The following PIN1 variants were observed in gnomAD, a reference collection of about 807,000 sequenced individuals.
PIN1 encodes peptidyl-prolyl cis-trans isomerase NIMA-interacting 1.
Under a neutral mutation model 19.9 loss-of-function variants are expected in PIN1, and 8 were observed. That is an observed-to-expected ratio of 0.40 (90% confidence interval 0.24 to 0.72). The LOEUF (loss-of-function observed/expected upper bound fraction) is 0.72. Ranked by LOEUF, PIN1 falls within the 30% of genes least tolerant of loss-of-function variation. The pLI is 0.37. For synonymous variants in PIN1, 86 were observed against 90.8 expected (o/e 0.95, Z 0.30); for missense variants, 185 against 226.5 (o/e 0.82, Z 1.18).
chr19:9,838,449 C>T lies in PIN1; in HGVS notation c.72C>T (p.Tyr24=). The part of the protein sequence containing the change: ...RMSRSSGRVY[Y]FNHITNASQW... ...CCTCCCCTCCAGGCCGAGTGTACTA[C>T]TTCAACCACATCACTAACGCCAGCC... is the stretch of plus-strand genomic sequence containing the variant. The change falls in exon 2 of 4, where the codon TAC becomes TAT. Residue 24 remains tyrosine (Y), a synonymous_variant. Transcript: ENST00000247970. The surrounding 1 kb of genome is among the most constrained non-coding windows in gnomAD (Gnocchi z 5.8). 6.2e-7 allele frequency: 1 copy of T among 1,605,908 alleles called. No homozygotes were observed. Among genetic ancestry groups the T allele is most frequent in the Non-Finnish European group, 8.5e-7 (1 of 1,177,632 alleles).
chr19:9,849,341 G>A lies in PIN1; in HGVS notation c.*142G>A. On this transcript the variant is annotated 3_prime_UTR_variant, in exon 4 of 4. Coordinates refer to ENST00000247970, the MANE Select transcript of PIN1 (RefSeq NM_006221.4). ...TTATTGTTCCCACAATGGCTGGGAG[G>A]GGGCCCTTCCAGATTGGGGGCCCTG... The A allele has an allele frequency of 1.4e-6, 1 of 730,364 alleles. No homozygotes were observed. Among genetic ancestry groups the A allele is most frequent in the Non-Finnish European group, 2.4e-6 (1 of 409,270 alleles). The allele number at this position is 730,364 out of a possible 1,614,324, so 45.2% of individuals were successfully genotyped here. A position where few individuals can be genotyped will look rare whatever the true frequency, so the allele number is the denominator to read the frequency against.
chr19:9,838,649 G>A lies in PIN1; in HGVS notation c.271+1G>A. ...GAGGAGGCCCTGGAGCTGATCAACG[G>A]TGAGCAGGGCGAGGGCAGGGGCTTG... is the stretch of plus-strand genomic sequence containing the variant. On this transcript the variant is annotated splice_donor_variant, in intron 2 of 3. Transcript: ENST00000247970. LOFTEE classifies it high-confidence loss of function. The surrounding 1 kb of genome is among the most constrained non-coding windows in gnomAD (Gnocchi z 5.8). 6.5e-7 allele frequency: 1 copy of A among 1,540,112 alleles called. No individual in the cohort carries two copies. Among genetic ancestry groups the A allele is most frequent in the Non-Finnish European group, 8.7e-7 (1 of 1,145,158 alleles).
At chr19:9,842,004 G>T (rs1206972988) in intron 2 of PIN1, among the ~76,000 whole-genome samples, 7 of 152,170 alleles carry the variant, frequency 4.6e-5, no homozygotes, top group Non-Finnish European at 1.5e-5. Context: ...GGGCGAGGGT[G>T]TCTCGCCCAT....
At chr19:9,844,772 G>A (rs1295700638) in intron 2 of PIN1, among the ~76,000 whole-genome samples, 1 of 152,250 alleles carries the variant, frequency 6.6e-6, no homozygotes, top group Non-Finnish European at 1.5e-5. Context: ...GTTTCAGGCA[G>A]ATAGGGCATG....
chr19:9,844,290 C>T (rs909374681), intron 2 of PIN1, among the ~76,000 whole-genome samples: 2 of 152,346 alleles, frequency 1.3e-5, no homozygotes, highest in East Asian at 1.9e-4. Context: ...CTCCTTGGAA[C>T]AGGCTCCAAC....
At chr19:9,847,007 C>T (rs539197319) in intron 2 of PIN1, among the ~76,000 whole-genome samples, 24 of 152,236 alleles carry the variant, frequency 1.6e-4, no homozygotes, top group East Asian at 1.6e-3. Context: ...CTGGAAGGGA[C>T]GCCCGTTTGT....
At chr19:9,840,611 C>T (rs10416616) in intron 2 of PIN1, among the ~76,000 whole-genome samples, 18,930 of 152,006 alleles carry the variant, frequency 0.12, 1,266 homozygotes, top group Middle Eastern at 0.18. Flanking sequence ...TTTTCTCCTT[C>T]TTCTTTTGAG....
rs544308655 is a variant in PIN1 at position 9,846,869 on chromosome 19, G to A, written c.272-1161G>A. On this transcript the variant is annotated intron_variant, in intron 2 of 3. Coordinates refer to ENST00000247970, the MANE Select transcript of PIN1 (RefSeq NM_006221.4). This position sits in a 1 kb window ranked among gnomAD's most constrained non-coding sequence, Gnocchi z 5.9. ...CTGAGTGTGTCAGGGTGACCTTCACGTTGGAGAGAAGAACTGGTGTCCCTG... is the reference window on the plus strand; with the variant it reads ...CTGAGTGTGTCAGGGTGACCTTCACATTGGAGAGAAGAACTGGTGTCCCTG... Among the ~76,000 whole-genome samples the A allele has an allele frequency of 9.2e-5, 14 of 152,228 alleles. No individual in the cohort carries two copies. The highest frequency in any genetic ancestry group is 7.7e-4 in the East Asian group (4 of 5,166).
intron 2 of PIN1, among the ~76,000 whole-genome samples, chr19:9,847,359 C>T (rs928320518): frequency 6.6e-6 from 1 of 152,136 alleles, no homozygotes; most frequent in African/African-American, 2.4e-5. Flanking sequence ...CAGGGTGGGG[C>T]CACCCTGAGT....
chr19:9,842,943 G>A (rs2046182978), intron 2 of PIN1, among the ~76,000 whole-genome samples: 1 of 152,238 alleles, frequency 6.6e-6, no homozygotes, highest in South Asian at 2.1e-4. Context: ...GGGACAGGCT[G>A]CCTGCAGAGA....
intron 2 of PIN1, among the ~76,000 whole-genome samples, chr19:9,844,559 G>C (rs1015171505): frequency 1.3e-5 from 2 of 152,206 alleles, no homozygotes; most frequent in African/African-American, 2.4e-5. Flanking sequence ...TGAAGCAGGT[G>C]GAGGCCCCTG....
intron 2 of PIN1, among the ~76,000 whole-genome samples, chr19:9,839,415 CAAAAA>C (rs549874572): frequency 2.4e-5 from 2 of 84,322 alleles, no homozygotes; most frequent in Admixed American, 1.3e-4. Flanking sequence ...GGCACCATCT[CAAAAA>C]AAAAAAAAAA....
intron 2 of PIN1, among the ~76,000 whole-genome samples, chr19:9,843,281 G>A (rs1339703303): frequency 6.6e-6 from 1 of 152,258 alleles, no homozygotes; most frequent in East Asian, 1.9e-4. Flanking sequence ...CAGCCTGCTG[G>A]CCTTGGGCCA....
intron 3 of PIN1, chr19:9,848,376 T>C: frequency 1.8e-6 from 1 of 541,020 alleles, no homozygotes; most frequent in Admixed American, 3.1e-5. Flanking sequence ...CTGGGGGGCA[T>C]GGTCTCTTGT....
intron 3 of PIN1, chr19:9,848,393 G>A (rs1477759555): frequency 1.4e-5 from 7 of 511,680 alleles, no homozygotes; most frequent in South Asian, 6.2e-5. Flanking sequence ...TTGTGTGTCT[G>A]TGCACAGATG....
intron 3 of PIN1, among the ~76,000 whole-genome samples, chr19:9,848,875 G>C (rs1250810261): frequency 6.6e-6 from 1 of 152,162 alleles, no homozygotes; most frequent in African/African-American, 2.4e-5. Context: ...CCTTCATGCT[G>C]TCCTCGGGCT....
rs541223446 is a variant in PIN1, at chr19:9,849,010, C to T, written c.383-80C>T. On this transcript the variant is annotated intron_variant, in intron 3 of 3. Coordinates refer to ENST00000247970, the MANE Select transcript of PIN1 (RefSeq NM_006221.4). ...CAGCGCAGGCAGGAGCCCCATCTGT[C>T]GCGGCTGCCACCCGCCCTGCCTCAT... 5.4e-5 allele frequency: 44 copies of T among 816,216 alleles called. No individual in the cohort carries two copies. In the African/African-American group the frequency reaches 5.7e-4, roughly 11 times the overall value. 50.6% of individuals were successfully genotyped at this position (816,216 alleles called of 1,614,324 possible).
At chr19:9,835,535 T>G in intron 1 of PIN1, 133 bp downstream of exon 1, 8 of 630,208 alleles carry the variant, frequency 1.3e-5, no homozygotes, top group Non-Finnish European at 1.7e-5. Context: ...GTCCCCGGGG[T>G]AACGGCCCCG....
At chr19:9,843,851 C>T (rs2046193048) in intron 2 of PIN1, among the ~76,000 whole-genome samples, 1 of 152,116 alleles carries the variant, frequency 6.6e-6, no homozygotes, top group African/African-American at 2.4e-5. Flanking sequence ...AATTCAAGAC[C>T]AGCCTGGCCA....
Sources: allele counts gnomAD v4.1 joint callset (sites outside exome capture counted in the v4.1 genomes callset), GRCh38; gene constraint gnomAD v4.1.1; non-coding constraint Gnocchi (gnomAD v3.1); transcripts MANE v1.5; gene names NCBI Gene and HGNC (gene_info 2026-07-23, HGNC 2026-07-21).